CHCHD6: variants seen among roughly 807,000 people sequenced by gnomAD.
The protein encoded by CHCHD6 is MICOS complex subunit MIC25.
In CHCHD6, 28 loss-of-function variants were observed where a neutral mutation model predicts 32.3. The ratio of observed to expected loss-of-function variants is 0.87; its 90% confidence interval spans 0.64 to 1.19. The LOEUF is 1.19. Ranked by LOEUF, CHCHD6 falls within the 50% of genes most tolerant of loss-of-function variation. The probability of loss-of-function intolerance (pLI) is 0.00; values close to 1 mark genes in which losing one functional copy is unlikely to be tolerated. For missense variants in CHCHD6, 333 were observed against 307.0 expected, an observed-to-expected ratio of 1.08 and a Z score of -0.63; for synonymous variants, 122 against 117.5, an observed-to-expected ratio of 1.04 and a Z score of -0.25.
At chr3:126,771,811 TCC>T (rs1937547862) in intron 4 of CHCHD6, among the ~76,000 whole-genome samples, 2 of 152,372 alleles carry the variant, frequency 1.3e-5, no homozygotes, top group Admixed American at 1.3e-4. Flanking sequence ...CTTAGCTATG[TCC>T]TGAGAGATTC....
At chr3:126,886,914 C>T (rs1388126068) in intron 5 of CHCHD6, among the ~76,000 whole-genome samples, 3 of 152,184 alleles carry the variant, frequency 2.0e-5, no homozygotes, top group Admixed American at 6.5e-5. Context: ...AGCTTCCCTT[C>T]CACCCTCCCT....
At chr3:126,802,681 A>G (rs1939143365) in intron 4 of CHCHD6, among the ~76,000 whole-genome samples, 2 of 152,218 alleles carry the variant, frequency 1.3e-5, no homozygotes, top group Admixed American at 1.3e-4. Context: ...CTAGCCATGC[A>G]GGCCAACATT....
intron 1 of CHCHD6, among the ~76,000 whole-genome samples, chr3:126,719,026 G>A (rs1935153382): frequency 6.6e-6 from 1 of 152,158 alleles, no homozygotes; most frequent in Non-Finnish European, 1.5e-5. Context: ...TGGGGTTGCA[G>A]CTGACAAATC....
At chr3:126,791,760 C>T (rs1379602304) in intron 4 of CHCHD6, among the ~76,000 whole-genome samples, 1 of 152,156 alleles carries the variant, frequency 6.6e-6, no homozygotes, top group African/African-American at 2.4e-5. Context: ...CAGGTGTATG[C>T]CACCATGCCC....
chr3:126,749,237 G>A (rs1171392163), intron 4 of CHCHD6, among the ~76,000 whole-genome samples: 2 of 152,168 alleles, frequency 1.3e-5, no homozygotes, highest in Non-Finnish European at 2.9e-5. Flanking sequence ...GAGATTCTGG[G>A]GAAGATGGCA....
chr3:126,892,046 GACA>G (rs937567909), intron 5 of CHCHD6, among the ~76,000 whole-genome samples: 6 of 152,168 alleles, frequency 3.9e-5, no homozygotes, highest in Non-Finnish European at 7.4e-5. Context: ...AGGTGCCAGC[GACA>G]ACGTCTCACA....
intron 6 of CHCHD6, among the ~76,000 whole-genome samples, chr3:126,942,074 C>T (rs2078568945): frequency 6.6e-6 from 1 of 152,218 alleles, no homozygotes; most frequent in Non-Finnish European, 1.5e-5. Context: ...GGGAGAGCCC[C>T]AGCCCTGGCC....
chr3:126,786,151 A>G (rs926723118), intron 4 of CHCHD6, among the ~76,000 whole-genome samples: 2 of 152,238 alleles, frequency 1.3e-5, no homozygotes, highest in African/African-American at 4.8e-5. Context: ...TATAAAGGAC[A>G]TGAATTCATC....
At chr3:126,801,497 C>A (rs1029931792) in intron 4 of CHCHD6, among the ~76,000 whole-genome samples, 1 of 152,202 alleles carries the variant, frequency 6.6e-6, no homozygotes, top group Non-Finnish European at 1.5e-5. Context: ...AAGGCGGCAG[C>A]GAAGCTAGGG....
intron 4 of CHCHD6, among the ~76,000 whole-genome samples, chr3:126,787,424 CATTTTCACGATATTGATTCT>C (rs1217041456): frequency 1.5e-4 from 23 of 152,148 alleles, no homozygotes; most frequent in Non-Finnish European, 5.9e-5. Flanking sequence ...GCAGTATGGC[CATTTTCACGATATTGATTCT>C]TCCTATCCAT....
At chr3:126,879,530 G>T (rs560455904) in intron 5 of CHCHD6, among the ~76,000 whole-genome samples, 1 of 152,178 alleles carries the variant, frequency 6.6e-6, no homozygotes, top group Non-Finnish European at 1.5e-5. Flanking sequence ...AAACAAATGT[G>T]CCAGACTCTT....
At chr3:126,831,120 T>A (rs1940622432) in intron 4 of CHCHD6, among the ~76,000 whole-genome samples, 1 of 151,688 alleles carries the variant, frequency 6.6e-6, no homozygotes. Context: ...ACCTCCCGGG[T>A]TCACGCCATT....
chr3:126,729,152 G>A (rs1398227878), intron 2 of CHCHD6, among the ~76,000 whole-genome samples: 7 of 152,146 alleles, frequency 4.6e-5, no homozygotes, highest in Non-Finnish European at 7.4e-5. Flanking sequence ...AATAGGAAAT[G>A]TGAATATAAG....
chr3:126,910,278 A>AAAAAAAAAAAAAAAC (rs2078069478), intron 5 of CHCHD6, among the ~76,000 whole-genome samples: 3 of 149,688 alleles, frequency 2.0e-5, no homozygotes, highest in South Asian at 2.1e-4. Context: ...CTCAGGAAAA[A>AAAAAAAAAAAAAAAC]AAAAAAAACA....
chr3:126,930,474 C>G (rs1393737817), intron 6 of CHCHD6, among the ~76,000 whole-genome samples: 1 of 152,304 alleles, frequency 6.6e-6, no homozygotes, highest in East Asian at 1.9e-4. Context: ...GTCACTTGGC[C>G]CTCTCTGGCC....
intron 5 of CHCHD6, among the ~76,000 whole-genome samples, chr3:126,894,626 T>G (rs2077812059): frequency 6.6e-6 from 1 of 152,076 alleles, no homozygotes; most frequent in African/African-American, 2.4e-5. Context: ...CAACAGGCCA[T>G]CCAGCCAGTG....
intron 4 of CHCHD6, among the ~76,000 whole-genome samples, chr3:126,769,514 A>AT (rs1427983140): frequency 6.6e-6 from 1 of 151,058 alleles, no homozygotes; most frequent in Non-Finnish European, 1.5e-5. Context: ...TTTTTCTTTC[A>AT]TTTTTTTGAG....
chr3:126,953,104 G>A (rs1302649896), intron 6 of CHCHD6: 1 of 985,412 alleles, frequency 1.0e-6, no homozygotes, highest in East Asian at 1.1e-4. Flanking sequence ...CCTCTCAACA[G>A]CTCTGTGGGG....
chr3:126,862,197 C>T (rs1280745056), intron 5 of CHCHD6, among the ~76,000 whole-genome samples: 3 of 114,476 alleles, frequency 2.6e-5, no homozygotes, highest in Admixed American at 8.4e-5. Flanking sequence ...CCATCACAAC[C>T]GCCTCCTCCA....
Sources: gnomAD v4.1 joint callset for allele counts (sites outside exome capture counted in the v4.1 genomes callset) on GRCh38, gnomAD v4.1.1 for gene constraint, MANE v1.5 for transcripts, NCBI Gene and HGNC (gene_info 2026-07-23, HGNC 2026-07-21) for gene names.